The following COL13A1 variants were observed in gnomAD, a reference collection of about 807,000 sequenced individuals.
COL13A1 encodes the protein collagen alpha-1(XIII) chain.
Under a neutral mutation model 130.9 loss-of-function variants are expected in COL13A1, and 89 were observed. The ratio of observed to expected loss-of-function variants is 0.68; its 90% CI spans 0.57 to 0.81. The LOEUF is 0.81. Ranked by LOEUF, COL13A1 falls within the 30% of genes least tolerant of loss-of-function variation. The probability of loss-of-function intolerance (pLI) is 0.00; values close to 1 mark genes in which losing one functional copy is unlikely to be tolerated. For missense variants in COL13A1, 879 were observed against 934.6 expected, an observed-to-expected ratio of 0.94 and a Z score of 0.78; for synonymous variants, 402 against 341.6, an observed-to-expected ratio of 1.18 and a Z score of -1.95.
intron 37 of COL13A1, 121 bp downstream of exon 37, chr10:69,945,845 G>T (rs1040568144): frequency 5.0e-5 from 61 of 1,231,316 alleles, no homozygotes; most frequent in Non-Finnish European, 6.9e-5. Flanking sequence ...GGCCGAGGCG[G>T]GCGCATCACG....
At chr10:69,889,308 G>C in intron 9 of COL13A1, 106 bp from the exon 10 acceptor site, 2 of 1,435,784 alleles carry the variant, frequency 1.4e-6, no homozygotes, top group South Asian at 1.2e-5. Context: ...GGAGGAGCAC[G>C]GGGGGCAGGG....
At chr10:69,905,669 G>C in intron 16 of COL13A1, 118 bp from the exon 17 acceptor site, 2 of 1,103,424 alleles carry the variant, frequency 1.8e-6, no homozygotes, top group Admixed American at 2.0e-5. Flanking sequence ...GGGTGTTGAA[G>C]GGGCAGTGGA....
intron 1 of COL13A1, among the ~76,000 whole-genome samples, chr10:69,804,809 CAAAAAAAAAAAAAAAAAAA>C (rs57098368): frequency 2.0e-4 from 15 of 75,370 alleles, no homozygotes; most frequent in African/African-American, 3.9e-4. Flanking sequence ...ATGTCGTGTG[CAAAAAAAAAAAAAAAAAAA>C]AAAAAAAAAA....
intron 38 of COL13A1, among the ~76,000 whole-genome samples, chr10:69,949,949 CGTGTGTTTGTGTGTGCGT>C (rs2069169762): frequency 9.7e-6 from 1 of 103,442 alleles, no homozygotes; most frequent in Non-Finnish European, 2.4e-5. Flanking sequence ...TGTGTGTGTG[CGTGTGTTTGTGTGTGCGT>C]GTGTGTGTGT....
chr10:69,902,853 C>T lies in COL13A1; in HGVS notation c.856C>T (p.Pro286Ser), dbSNP rs184176702. The T allele has an allele frequency of 1.0e-4, 158 of 1,524,802 alleles. 1 individual carries two copies. Among genetic ancestry groups the T allele is most frequent in the Admixed American group, 4.7e-4 (22 of 46,664 alleles). 94.5% of individuals were successfully genotyped at this position (1,524,802 alleles called of 1,614,324 possible). The change falls in exon 15 of 41, where the codon CCT becomes TCT. Residue 286 changes from proline (P) to serine (S), a missense_variant and splice_region_variant. Coordinates refer to ENST00000645393, the MANE Select transcript of COL13A1 (RefSeq NM_001368882.1). ...HPGLPGPMGP[P>S]GLPGPPGPKG... Reference sequence around the variant, plus strand: ...AGGACTGCCAGGGCCTATGGGGCCACCTGTAAGTATTCCCTTCCTCTCTCC... The same window carrying T: ...AGGACTGCCAGGGCCTATGGGGCCATCTGTAAGTATTCCCTTCCTCTCTCC...
chr10:69,944,113 T>A lies in COL13A1; in HGVS notation c.1915-12T>A. The A allele has an allele frequency of 6.2e-7, 1 of 1,613,034 alleles. No individual in the cohort carries two copies. The highest frequency in any genetic ancestry group is 2.2e-5 in the East Asian group (1 of 44,834). ...TGGGGACCCTCACCTCTGCTTTCTT[T>A]CCCCTTCCCAGGGTACTCCAGGACC... On this transcript the variant is annotated splice_polypyrimidine_tract_variant and intron_variant, in intron 35 of 40. Coordinates refer to ENST00000645393, the MANE Select transcript of COL13A1 (RefSeq NM_001368882.1).
intron 2 of COL13A1, among the ~76,000 whole-genome samples, chr10:69,833,001 G>C (rs1049895036): frequency 6.6e-6 from 1 of 152,218 alleles, no homozygotes; most frequent in Non-Finnish European, 1.5e-5. Context: ...AGAACGAGGG[G>C]CAACTGCAAG....
chr10:69,854,693 C>T (rs1855903832), intron 2 of COL13A1, among the ~76,000 whole-genome samples: 1 of 152,098 alleles, frequency 6.6e-6, no homozygotes, highest in South Asian at 2.1e-4. Flanking sequence ...AAGTACGTTT[C>T]CTCACAGGGA....
At chr10:69,917,259 C>G (rs1339204748) in intron 17 of COL13A1, 30 bp from the exon 18 acceptor site, 4 of 1,613,244 alleles carry the variant, frequency 2.5e-6, no homozygotes, top group Admixed American at 1.7e-5. Flanking sequence ...GTCTGGTCCT[C>G]TCCTCATGCT....
At chr10:69,937,341 C>T (rs2067070880) in intron 33 of COL13A1, among the ~76,000 whole-genome samples, 1 of 152,202 alleles carries the variant, frequency 6.6e-6, no homozygotes, top group Non-Finnish European at 1.5e-5. Flanking sequence ...CTGTAAGGTT[C>T]CCATTCTCCT....
intron 1 of COL13A1, 44 bp downstream of exon 1, chr10:69,802,761 C>T (rs776712048): frequency 6.2e-7 from 1 of 1,604,238 alleles, no homozygotes; most frequent in South Asian, 1.1e-5. Flanking sequence ...CCCGCGGCGC[C>T]CCCTCGCGCA....
intron 16 of COL13A1, 79 bp downstream of exon 16, chr10:69,905,038 G>T: frequency 6.7e-7 from 1 of 1,487,642 alleles, no homozygotes; most frequent in South Asian, 1.2e-5. Context: ...CACAGAAGGT[G>T]ACTGAGGCAG....
At chr10:69,945,391 T>C (rs2068345122) in intron 36 of COL13A1, among the ~76,000 whole-genome samples, 1 of 152,180 alleles carries the variant, frequency 6.6e-6, no homozygotes, top group South Asian at 2.1e-4. Flanking sequence ...TCTTCGCCCC[T>C]GTTTCAGCCT....
chr10:69,956,840 C>T (rs2070802601), intron 39 of COL13A1, 164 bp from the exon 40 acceptor site: 2 of 613,286 alleles, frequency 3.3e-6, no homozygotes, highest in African/African-American at 1.8e-5. Flanking sequence ...TTTCCACCTC[C>T]TTCTGAGGTT....
At position 69,898,887 on chromosome 10, in the gene COL13A1, C is replaced by T. The variant is rs141517047; in HGVS notation, c.750+125C>T. On this transcript the variant is annotated intron_variant, in intron 14 of 40. Coordinates refer to ENST00000645393, the MANE Select transcript of COL13A1 (RefSeq NM_001368882.1). ...TGAAATTAAATCAGACAAAAATAGG[C>T]CCACGTATACCATAGACATGGAAAT... The T allele has an allele frequency of 7.3e-4, 477 of 653,626 alleles. 3 individuals are homozygous for T. In the African/African-American group the frequency reaches 7.9e-3, roughly 11 times the overall value. 40.5% of individuals were successfully genotyped at this position (653,626 alleles called of 1,614,324 possible).
At chr10:69,810,347 TGAGAGAGA>T (rs55816117) in intron 1 of COL13A1, among the ~76,000 whole-genome samples, 20 of 119,802 alleles carry the variant, frequency 1.7e-4, no homozygotes, top group African/African-American at 3.1e-4. Flanking sequence ...GCCCTGAGAA[TGAGAGAGA>T]GAGAGAGAGA....
intron 2 of COL13A1, among the ~76,000 whole-genome samples, chr10:69,863,182 CT>C (rs1056249870): frequency 2.0e-5 from 3 of 152,190 alleles, no homozygotes; most frequent in Non-Finnish European, 4.4e-5. Context: ...TGTGCATTGT[CT>C]TTTCAGCAGC....
At chr10:69,942,664 T>C (rs1481657235) in intron 35 of COL13A1, among the ~76,000 whole-genome samples, 2 of 152,186 alleles carry the variant, frequency 1.3e-5, no homozygotes, top group Non-Finnish European at 2.9e-5. Context: ...CAGCACCAAA[T>C]GCTTGCTACG....
At chr10:69,878,212 C>G (rs1589246656) in intron 6 of COL13A1, 147 bp downstream of exon 6, 2 of 626,344 alleles carry the variant, frequency 3.2e-6, no homozygotes, top group East Asian at 2.8e-5. Context: ...CTCACGGCCC[C>G]GTTTCCTAAC....
Sources: gnomAD v4.1 joint callset for allele counts (sites outside exome capture counted in the v4.1 genomes callset) on GRCh38, gnomAD v4.1.1 for gene constraint, MANE v1.5 for transcripts, NCBI Gene and HGNC (gene_info 2026-07-23, HGNC 2026-07-21) for gene names.